The following LRFN5 variants were observed in gnomAD, a reference collection of about 807,000 sequenced individuals.
LRFN5 encodes the protein leucine rich repeat and fibronectin type III domain containing 5.
In LRFN5, 24 loss-of-function variants were observed where a neutral mutation model predicts 45.6. The observed-to-expected ratio is 0.53, with a 90% CI of 0.38 to 0.74. The LOEUF (loss-of-function observed/expected upper bound fraction) is 0.74, where lower values mean the gene tolerates loss of function less well. Among genes scored for constraint, LRFN5 ranks in the 30% least tolerant of loss-of-function variants. LRFN5 has a pLI of 0.00. For synonymous variants in LRFN5, 340 were observed against 313.8 expected (o/e 1.08, Z -0.88); for missense variants, 776 against 861.5 (o/e 0.90, Z 1.24).
intron 1 of LRFN5, 68 bp downstream of exon 1, chr14:41,608,630 A>G (rs2138530882): frequency 6.5e-6 from 1 of 152,762 alleles, no homozygotes; most frequent in African/African-American, 2.4e-5. Context: ...TCTTATCTGC[A>G]TTGCAGGCTA....
chr14:41,787,837 A>G (rs572139482), intron 2 of LRFN5, among the ~76,000 whole-genome samples: 46 of 152,022 alleles, frequency 3.0e-4, no homozygotes, highest in Middle Eastern at 6.8e-3. Context: ...CCAAACTCAC[A>G]TGTTGGAGCA....
At chr14:41,878,456 C>T (rs1890262562) in intron 2 of LRFN5, among the ~76,000 whole-genome samples, 1 of 152,112 alleles carries the variant, frequency 6.6e-6, no homozygotes, top group Non-Finnish European at 1.5e-5. Context: ...TATATTCCAT[C>T]CTGGTTCCCA....
chr14:41,829,256 T>C (rs1487133933), intron 2 of LRFN5, among the ~76,000 whole-genome samples: 1 of 151,960 alleles, frequency 6.6e-6, no homozygotes, highest in Non-Finnish European at 1.5e-5. Context: ...TTACATTTCC[T>C]TACAGATAAC....
chr14:41,846,621 A>G (rs4143894), intron 2 of LRFN5, among the ~76,000 whole-genome samples: 1 of 151,886 alleles, frequency 6.6e-6, no homozygotes, highest in East Asian at 1.9e-4. Context: ...TGGAAATTTG[A>G]TTTGTCATGT....
chr14:41,768,756 A>G (rs1885977128), intron 2 of LRFN5, among the ~76,000 whole-genome samples: 1 of 152,156 alleles, frequency 6.6e-6, no homozygotes, highest in South Asian at 2.1e-4. Context: ...TTTTCTAGAT[A>G]AAAGCATTTA....
intron 1 of LRFN5, among the ~76,000 whole-genome samples, chr14:41,628,206 T>G (rs1437003781): frequency 6.6e-6 from 1 of 152,210 alleles, no homozygotes; most frequent in Non-Finnish European, 1.5e-5. Context: ...CCTCATTTAT[T>G]CTTAACAATA....
At chr14:41,700,943 G>T (rs1882817351) in intron 1 of LRFN5, 1 of 152,064 alleles carries the variant, frequency 6.6e-6, no homozygotes, top group Non-Finnish European at 1.5e-5. Context: ...CATACCAAGA[G>T]CTTATTAAAT....
At position 41,887,078 on chromosome 14, in the gene LRFN5, G is replaced by C. The variant is rs1417328195; in HGVS notation, c.453G>C (p.Glu151Asp). 6.2e-7 allele frequency: 1 copy of C among 1,613,978 alleles called. No homozygotes were observed. Among genetic ancestry groups the C allele is most frequent in the Non-Finnish European group, 8.5e-7 (1 of 1,180,032 alleles). Residue 151 changes from glutamate (E) to aspartate (D), a missense_variant, in exon 3 of 6, where the codon GAG becomes GAC. This residue lies in a region of LRFN5 where 311 missense variants were observed against 405.1 expected (regional missense o/e 0.77). Transcript: ENST00000298119. This position sits in a 1 kb window ranked among gnomAD's most constrained non-coding sequence, Gnocchi z 4.8. Reference sequence around the variant, plus strand: ...TTGATGATGTCTTCGCCCTTGAGGAGCTGGATCTGTCCTATAATAATCTAG... The same window carrying C: ...TTGATGATGTCTTCGCCCTTGAGGACCTGGATCTGTCCTATAATAATCTAG... Reference protein sequence around the residue: ...TAFDDVFALEELDLSYNNLET... With the variant: ...TAFDDVFALEDLDLSYNNLET...
chr14:41,671,422 A>G (rs1317158824), intron 1 of LRFN5, among the ~76,000 whole-genome samples: 3 of 152,126 alleles, frequency 2.0e-5, no homozygotes, highest in East Asian at 3.9e-4. Context: ...TAAGCTTGTC[A>G]TCTTTATTTG....
intron 2 of LRFN5, among the ~76,000 whole-genome samples, chr14:41,796,897 TA>T (rs1423662288): frequency 3.3e-5 from 5 of 151,960 alleles, no homozygotes; most frequent in African/African-American, 1.2e-4. Flanking sequence ...AGGTTTTAAA[TA>T]TTTTTGTAAT....
chr14:41,619,956 A>G (rs1284740564), intron 1 of LRFN5, among the ~76,000 whole-genome samples: 1 of 152,098 alleles, frequency 6.6e-6, no homozygotes, highest in African/African-American at 2.4e-5. Context: ...TTATTATTAT[A>G]TATTGAAAGT....
At chr14:41,852,846 C>T (rs1889319063) in intron 2 of LRFN5, among the ~76,000 whole-genome samples, 1 of 151,900 alleles carries the variant, frequency 6.6e-6, no homozygotes, top group Admixed American at 6.6e-5. Flanking sequence ...GTGACAGGTA[C>T]CATGAATCTT....
At chr14:41,768,023 A>G (rs1885949067) in intron 2 of LRFN5, among the ~76,000 whole-genome samples, 2 of 152,240 alleles carry the variant, frequency 1.3e-5, no homozygotes, top group Middle Eastern at 3.4e-3. Flanking sequence ...GTGCACTTTT[A>G]TATAGAACAA....
chr14:41,898,166 A>T (rs1427419422), intron 4 of LRFN5, among the ~76,000 whole-genome samples: 1 of 152,086 alleles, frequency 6.6e-6, no homozygotes, highest in Admixed American at 6.6e-5. Context: ...CTCACCTGTG[A>T]ATCCTAAGAA....
At chr14:41,744,180 T>A (rs952880031) in intron 1 of LRFN5, among the ~76,000 whole-genome samples, 3 of 151,626 alleles carry the variant, frequency 2.0e-5, no homozygotes, top group African/African-American at 7.3e-5. Flanking sequence ...ATGGCAAAAA[T>A]CTCATCTCTA....
At chr14:41,742,246 A>G (rs1239564388) in intron 1 of LRFN5, among the ~76,000 whole-genome samples, 3 of 151,600 alleles carry the variant, frequency 2.0e-5, no homozygotes, top group African/African-American at 7.3e-5. Flanking sequence ...CACAGTAGCC[A>G]AGATATAGAA....
At chr14:41,845,377 A>C (rs1173376168) in intron 2 of LRFN5, among the ~76,000 whole-genome samples, 4 of 152,150 alleles carry the variant, frequency 2.6e-5, no homozygotes, top group African/African-American at 9.7e-5. Context: ...ATAGTTATAC[A>C]ACCATGTGTA....
intron 2 of LRFN5, among the ~76,000 whole-genome samples, chr14:41,801,116 G>A (rs1887315638): frequency 6.6e-6 from 1 of 151,942 alleles, no homozygotes; most frequent in African/African-American, 2.4e-5. Context: ...TGGTAAAGGA[G>A]TAGAAAAAAA....
Position 41,638,331 on chromosome 14 carries a change from C to T in LRFN5, c.-197+29769C>T, listed in dbSNP as rs567070624. Among the ~76,000 whole-genome samples the T allele has an allele frequency of 8.5e-5, 13 of 152,106 alleles. No individual in the cohort carries two copies. In the South Asian group the frequency reaches 2.3e-3, roughly 27 times the overall value. On this transcript the variant is annotated intron_variant, in intron 1 of 5. Transcript: ENST00000298119. ...CCCAAGCAAGAGCTGTGCAATTCTC[C>T]TTAGAATACAGTGGAAGCATCTCTC...
Sources: gnomAD v4.1 joint callset for allele counts (sites outside exome capture counted in the v4.1 genomes callset) on GRCh38, gnomAD v4.1.1 for gene constraint, gnomAD v4.1.1 regional missense constraint, Gnocchi (gnomAD v3.1) non-coding constraint, MANE v1.5 for transcripts, NCBI Gene and HGNC (gene_info 2026-07-23, HGNC 2026-07-21) for gene names.